Variants in SCD5 observed in about 807,000 individuals in gnomAD.
SCD5 encodes acyl-CoA-desaturase 4.
SCD5 carries 20 observed loss-of-function variants against 30.4 expected under a neutral mutation model. That is an observed-to-expected ratio of 0.66 (90% CI 0.46 to 0.96). The LOEUF (loss-of-function observed/expected upper bound fraction) is 0.96. Among genes scored for constraint, SCD5 ranks in the 40% least tolerant of loss-of-function variants. The pLI, the probability that SCD5 is intolerant of heterozygous loss-of-function variation, is 0.00. For missense variants in SCD5, 381 were observed against 443.3 expected (o/e 0.86, Z 1.26); for synonymous variants, 173 against 176.4 (o/e 0.98, Z 0.16).
At chr4:82,798,186 C>T in intron 1 of SCD5, 120 bp downstream of exon 1, 1 of 1,068,880 alleles carries the variant, frequency 9.4e-7, no homozygotes, top group Non-Finnish European at 1.1e-6. Flanking sequence ...CAGCGGGAGG[C>T]GAGGGGAGAC....
chr4:82,724,690 C>G (rs1475588761), intron 1 of SCD5, among the ~76,000 whole-genome samples: 3 of 152,026 alleles, frequency 2.0e-5, no homozygotes, highest in Non-Finnish European at 2.9e-5. Flanking sequence ...ATGGGAAGAA[C>G]AAAACAAAGC....
At chr4:82,634,489 C>CA (rs1429897927) in intron 4 of SCD5, among the ~76,000 whole-genome samples, 2 of 128,062 alleles carry the variant, frequency 1.6e-5, no homozygotes, top group Admixed American at 7.5e-5. Flanking sequence ...ACCACCTCCC[C>CA]CCCCCATCAT....
intron 1 of SCD5, among the ~76,000 whole-genome samples, chr4:82,784,404 C>A (rs1430204743): frequency 6.6e-6 from 1 of 152,226 alleles, no homozygotes; most frequent in Non-Finnish European, 1.5e-5. Flanking sequence ...TCTTCTACAT[C>A]ATATTCCCAA....
At position 82,636,601 on chromosome 4, in the gene SCD5, C is replaced by T. The variant is rs1560520494; in HGVS notation, c.792G>A (p.Leu264=). ...ISPRQNPLVA[L]GAIGEGFHNY... The stretch of plus-strand genomic sequence containing the variant: ...AACACCCCTACTCACCAATGGCACC[C>T]AGAGCGACGAGTGGGTTCTGCCGAG... Residue 264 remains leucine, a synonymous_variant, in exon 4 of 5, where the codon CTG becomes CTA. Coordinates refer to ENST00000319540, the MANE Select transcript of SCD5 (RefSeq NM_001037582.3). 6.2e-7 allele frequency: 1 copy of T among 1,613,618 alleles called. No individual in the cohort carries two copies. The highest frequency in any genetic ancestry group is 1.7e-5 in the Admixed American group (1 of 60,008).
At chr4:82,723,033 C>T (rs537447177) in intron 1 of SCD5, among the ~76,000 whole-genome samples, 99 of 147,898 alleles carry the variant, frequency 6.7e-4, no homozygotes, top group Middle Eastern at 6.8e-3. Context: ...GCCGAGATCG[C>T]GCCATTGCAC....
chr4:82,793,745 T>C (rs1305546826), intron 1 of SCD5, among the ~76,000 whole-genome samples: 1 of 152,176 alleles, frequency 6.6e-6, no homozygotes, highest in African/African-American at 2.4e-5. Flanking sequence ...TATTAATATA[T>C]CCATTTTAAA....
chr4:82,692,528 C>T (rs1294545702), intron 2 of SCD5: 1 of 152,306 alleles, frequency 6.6e-6, no homozygotes, highest in African/African-American at 2.4e-5. Flanking sequence ...CTCCCTACGT[C>T]GGGAGCAGGC....
chr4:82,701,610 G>C (rs1309487934), intron 2 of SCD5, among the ~76,000 whole-genome samples: 3 of 152,188 alleles, frequency 2.0e-5, no homozygotes, highest in Admixed American at 2.0e-4. Context: ...TGGGGTTTCA[G>C]TCTGTCTATC....
rs191600998 is a variant in SCD5, at chr4:82,657,046, T to C, written c.570-20223A>G. Among the ~76,000 whole-genome samples the C allele has an allele frequency of 4.6e-3, 693 of 152,306 alleles. 7 individuals are homozygous for C. Among genetic ancestry groups the C allele is most frequent in the African/African-American group, 0.016 (650 of 41,562 alleles). ...CAAAAATTTTCTCCCATTCTGTAGG[T>C]TTCCTGTTCACTCTGATGATAGTTT... On this transcript the variant is annotated intron_variant, in intron 3 of 4. Transcript: ENST00000319540.
At chr4:82,725,384 T>C (rs1411008145) in intron 1 of SCD5, among the ~76,000 whole-genome samples, 1 of 152,208 alleles carries the variant, frequency 6.6e-6, no homozygotes, top group East Asian at 1.9e-4. Context: ...GTAAAAGCCA[T>C]ACTTGAGTTT....
chr4:82,681,943 T>G (rs6815340), intron 2 of SCD5, among the ~76,000 whole-genome samples: 1 of 151,414 alleles, frequency 6.6e-6, no homozygotes, highest in East Asian at 1.9e-4. Flanking sequence ...AAGCCAGTAG[T>G]TTAAAAAAAC....
intron 1 of SCD5, among the ~76,000 whole-genome samples, chr4:82,753,737 T>G (rs1299778424): frequency 3.3e-5 from 5 of 152,182 alleles, no homozygotes; most frequent in Non-Finnish European, 7.3e-5. Flanking sequence ...CTCAGCCATC[T>G]TCCCCTTTTC....
chr4:82,762,048 C>T (rs1721385107), intron 1 of SCD5, among the ~76,000 whole-genome samples: 1 of 151,704 alleles, frequency 6.6e-6, no homozygotes. Flanking sequence ...GTGGTAGGTG[C>T]CTGTGGTCCC....
At chr4:82,769,460 T>A (rs552435586) in intron 1 of SCD5, among the ~76,000 whole-genome samples, 35 of 152,336 alleles carry the variant, frequency 2.3e-4, no homozygotes, top group African/African-American at 8.4e-4. Context: ...GAGATTTTTT[T>A]AATAAATTGA....
intron 1 of SCD5, among the ~76,000 whole-genome samples, chr4:82,741,076 G>C (rs1485533680): frequency 6.6e-6 from 1 of 151,184 alleles, no homozygotes; most frequent in Non-Finnish European, 1.5e-5. Flanking sequence ...CAAGTAGCTG[G>C]GACTACAGGC....
At chr4:82,649,501 G>A (rs1727701463) in intron 3 of SCD5, among the ~76,000 whole-genome samples, 2 of 152,086 alleles carry the variant, frequency 1.3e-5, no homozygotes, top group Non-Finnish European at 2.9e-5. Context: ...TTTTCAGAGG[G>A]GCATTACCTA....
chr4:82,788,424 T>G (rs1344556230), intron 1 of SCD5, among the ~76,000 whole-genome samples: 6 of 151,962 alleles, frequency 3.9e-5, no homozygotes, highest in African/African-American at 1.4e-4. Flanking sequence ...ACAGTCTCGC[T>G]CCGTCACCCA....
chr4:82,639,486 C>T (rs1727497513), intron 3 of SCD5, among the ~76,000 whole-genome samples: 1 of 152,186 alleles, frequency 6.6e-6, no homozygotes, highest in Non-Finnish European at 1.5e-5. Flanking sequence ...ATCCTTGCAT[C>T]ATCTGGGCAT....
intron 1 of SCD5, among the ~76,000 whole-genome samples, chr4:82,720,480 G>A (rs1180067577): frequency 7.4e-6 from 1 of 135,492 alleles, no homozygotes; most frequent in African/African-American, 2.9e-5. Context: ...AGAGAAAGCA[G>A]CATTTATCCT....
Sources: allele counts gnomAD v4.1 joint callset (sites outside exome capture counted in the v4.1 genomes callset), GRCh38; gene constraint gnomAD v4.1.1; transcripts MANE v1.5; gene names NCBI Gene and HGNC (gene_info 2026-07-23, HGNC 2026-07-21).